The following TEK variants were observed in gnomAD, a reference collection of about 807,000 sequenced individuals.
TEK encodes TEK receptor tyrosine kinase.
TEK carries 43 observed loss-of-function variants against 131.8 expected under a neutral mutation model. The ratio of observed to expected loss-of-function variants is 0.33; its 90% CI spans 0.26 to 0.42. The LOEUF is 0.42. Among genes scored for constraint, TEK ranks in the 10% least tolerant of loss-of-function variants. TEK has a pLI of 1.00. For missense variants in TEK, 1,162 were observed against 1,384.4 expected (o/e 0.84, Z 2.55); for synonymous variants, 580 against 491.6 (o/e 1.18, Z -2.38).
At chr9:27,113,899 A>G (rs1587469253) in intron 1 of TEK, among the ~76,000 whole-genome samples, 1 of 152,122 alleles carries the variant, frequency 6.6e-6, no homozygotes, top group Non-Finnish European at 1.5e-5. Flanking sequence ...CACAATCTAC[A>G]CATTCTTTCC....
At chr9:27,158,675 T>TGGGG (rs1402720782) in intron 2 of TEK, among the ~76,000 whole-genome samples, 2 of 139,612 alleles carry the variant, frequency 1.4e-5, no homozygotes, top group Admixed American at 7.3e-5. Flanking sequence ...TTTTTTTTTT[T>TGGGG]GGGGGGGTGG....
intron 1 of TEK, among the ~76,000 whole-genome samples, chr9:27,138,167 T>G (rs1196879855): frequency 6.6e-6 from 1 of 152,024 alleles, no homozygotes; most frequent in Admixed American, 6.5e-5. Context: ...ACCCAAAGAG[T>G]GAGCAGCAGC....
At chr9:27,226,297 C>T (rs1488112918) in intron 21 of TEK, among the ~76,000 whole-genome samples, 3 of 152,210 alleles carry the variant, frequency 2.0e-5, no homozygotes. Flanking sequence ...TTTATTGCAG[C>T]ACTGTTCACA....
At chr9:27,228,501 GATACAGTCACGTACACACTAGAATAAC>G (rs1342247405) in intron 22 of TEK, among the ~76,000 whole-genome samples, 196 bp downstream of exon 22, 1 of 152,110 alleles carries the variant, frequency 6.6e-6, no homozygotes, top group African/African-American at 2.4e-5. Flanking sequence ...TTCTATACAA[GATACAGTCACGTACACACTAGAATAAC>G]ATACAGAATT....
intron 21 of TEK, among the ~76,000 whole-genome samples, chr9:27,226,600 G>A (rs1046586451): frequency 6.6e-6 from 1 of 152,246 alleles, no homozygotes; most frequent in Non-Finnish European, 1.5e-5. Flanking sequence ...GGGAGGGATA[G>A]CATTAGGAGA....
At chr9:27,206,004 G>T (rs1825386563) in intron 14 of TEK, among the ~76,000 whole-genome samples, 1 of 152,170 alleles carries the variant, frequency 6.6e-6, no homozygotes, top group African/African-American at 2.4e-5. Context: ...CTTTTTCATG[G>T]TAGCACCAGC....
chr9:27,131,760 T>G (rs1014668794), intron 1 of TEK, among the ~76,000 whole-genome samples: 3 of 123,454 alleles, frequency 2.4e-5, no homozygotes, highest in African/African-American at 9.9e-5. Flanking sequence ...TGAGCCATGA[T>G]TGCACCACTG....
intron 21 of TEK, among the ~76,000 whole-genome samples, chr9:27,223,403 G>A (rs565800175): frequency 9.2e-5 from 14 of 152,178 alleles, no homozygotes; most frequent in African/African-American, 3.1e-4. Flanking sequence ...CGAAAAAACG[G>A]AAATCATAAC....
At chr9:27,152,836 A>G (rs1203363494) in intron 1 of TEK, among the ~76,000 whole-genome samples, 2 of 152,202 alleles carry the variant, frequency 1.3e-5, no homozygotes, top group African/African-American at 4.8e-5. Context: ...AATAATTTCC[A>G]TAACTATTTT....
intron 18 of TEK, 101 bp downstream of exon 18, chr9:27,213,698 A>G (rs766055099): frequency 3.5e-6 from 3 of 853,440 alleles, no homozygotes; most frequent in Non-Finnish European, 6.0e-6. Context: ...TGACTGAAGC[A>G]TCTGACTGTA....
At position 27,202,829 on chromosome 9, in the gene TEK, C is replaced by T; in HGVS notation, c.1919C>T (p.Pro640Leu). 1.2e-6 allele frequency: 2 copies of T among 1,614,016 alleles called. No individual in the cohort carries two copies. The highest frequency in any genetic ancestry group is 1.3e-5 in the African/African-American group (1 of 75,042). The change falls in exon 13 of 23, where the codon CCT becomes CTT. Residue 640 changes from proline to leucine, a missense_variant. Physicochemically the swap from Pro to Leu is moderately conservative, Grantham distance 98 (BLOSUM62 -3). Coordinates refer to ENST00000380036, the MANE Select transcript of TEK (RefSeq NM_000459.5). ...TAWTLSDILP[P>L]QPENIKISNI... ...TCTTTTTAATTTCTAGTTCTTCCTC[C>T]TCAACCAGAAAACATCAAGATTTCC...
At chr9:27,187,870 T>C (rs1339106528) in intron 9 of TEK, among the ~76,000 whole-genome samples, 2 of 152,176 alleles carry the variant, frequency 1.3e-5, no homozygotes, top group Non-Finnish European at 2.9e-5. Flanking sequence ...ACCAGTCATA[T>C]TGGATTATGG....
chr9:27,229,095 A>G, intron 22 of TEK, 63 bp from the exon 23 acceptor site: 1 of 1,483,212 alleles, frequency 6.7e-7, no homozygotes, highest in Non-Finnish European at 9.4e-7. Context: ...TATTGCTGTA[A>G]CTGCCGCTGG....
At chr9:27,152,598 G>GC (rs1554691190) in intron 1 of TEK, among the ~76,000 whole-genome samples, 2 of 143,500 alleles carry the variant, frequency 1.4e-5, no homozygotes, top group African/African-American at 2.7e-5. Context: ...AAGCCCCCCC[G>GC]CCGCAAAAAA....
intron 12 of TEK, among the ~76,000 whole-genome samples, chr9:27,199,448 C>A (rs1305568989): frequency 1.3e-5 from 2 of 152,140 alleles, no homozygotes; most frequent in African/African-American, 4.8e-5. Flanking sequence ...TCAGTGTGTA[C>A]TATGTTCAGG....
intron 2 of TEK, among the ~76,000 whole-genome samples, chr9:27,163,475 G>A (rs1380323701): frequency 6.6e-6 from 1 of 152,210 alleles, no homozygotes; most frequent in Non-Finnish European, 1.5e-5. Flanking sequence ...AGGAGCTGGT[G>A]AGGCTGAGGA....
intron 15 of TEK, among the ~76,000 whole-genome samples, chr9:27,207,702 A>G (rs572674146): frequency 6.6e-6 from 1 of 152,304 alleles, no homozygotes; most frequent in African/African-American, 2.4e-5. Flanking sequence ...AACTATTATC[A>G]TTGTGCAGCT....
chr9:27,201,458 C>T (rs1825210778), intron 12 of TEK, among the ~76,000 whole-genome samples: 1 of 152,054 alleles, frequency 6.6e-6, no homozygotes, highest in Non-Finnish European at 1.5e-5. Flanking sequence ...CTCCTTCAAT[C>T]TCATGTGGGA....
intron 6 of TEK, among the ~76,000 whole-genome samples, chr9:27,179,472 C>T (rs557809732): frequency 3.9e-5 from 6 of 152,178 alleles, no homozygotes; most frequent in East Asian, 1.9e-4. Context: ...CTTTAAAAAA[C>T]GGGCCTTAAT....
Sources: allele counts gnomAD v4.1 joint callset (sites outside exome capture counted in the v4.1 genomes callset), GRCh38; gene constraint gnomAD v4.1.1; transcripts MANE v1.5; gene names NCBI Gene and HGNC (gene_info 2026-07-23, HGNC 2026-07-21).